Variants in BCL2L14 observed in about 807,000 individuals in gnomAD.
BCL2L14 encodes apoptosis facilitator Bcl-2-like protein 14.
In BCL2L14, 27 loss-of-function variants were observed where a neutral mutation model predicts 35.3. That is an observed-to-expected ratio of 0.76 (90% CI 0.56 to 1.05). The LOEUF (loss-of-function observed/expected upper bound fraction) is 1.05, where lower values mean the gene tolerates loss of function less well. Among genes scored for constraint, BCL2L14 ranks in the 50% least tolerant of loss-of-function variants. The pLI is 0.00. For missense variants in BCL2L14, 377 were observed against 382.6 expected, an observed-to-expected ratio of 0.99 and a Z score of 0.12; for synonymous variants, 139 against 145.9, an observed-to-expected ratio of 0.95 and a Z score of 0.34.
chr12:12,070,309 G>A (rs909215171), upstream of BCL2L14, among the ~76,000 whole-genome samples: 2 of 152,198 alleles, frequency 1.3e-5, no homozygotes, highest in African/African-American at 4.8e-5. Context: ...GGGATCCGTA[G>A]CAAGATACTT....
intron 4 of BCL2L14, among the ~76,000 whole-genome samples, chr12:12,092,905 TATC>T (rs1327341486): frequency 6.6e-6 from 1 of 152,238 alleles, no homozygotes; most frequent in Non-Finnish European, 1.5e-5. Flanking sequence ...CCGCTTGGCT[TATC>T]ATTCCTCTAG....
chr12:12,081,238 C>T (rs1948917728), intron 2 of BCL2L14, among the ~76,000 whole-genome samples: 1 of 151,792 alleles, frequency 6.6e-6, no homozygotes, highest in South Asian at 2.1e-4. Flanking sequence ...CACTTGACAC[C>T]AAGAGTTTGA....
At chr12:12,053,818 C>T (rs4321036) in intron 2 of BCL2L14, among the ~76,000 whole-genome samples, 123,146 of 152,136 alleles carry the variant, frequency 0.81, 49,953 homozygotes, top group East Asian at 0.98. Flanking sequence ...TGACAATCAC[C>T]TAAAAACCCC....
At chr12:12,088,175 A>G (rs1358321329) in intron 3 of BCL2L14, among the ~76,000 whole-genome samples, 1 of 152,218 alleles carries the variant, frequency 6.6e-6, no homozygotes, top group Non-Finnish European at 1.5e-5. Flanking sequence ...TAGGCAAAAC[A>G]AAGAGAAAGG....
At chr12:12,062,923 T>C (rs1948546772) in intron 2 of BCL2L14, among the ~76,000 whole-genome samples, 1 of 152,156 alleles carries the variant, frequency 6.6e-6, no homozygotes, top group Non-Finnish European at 1.5e-5. Flanking sequence ...AAAACACACC[T>C]CACCAAGCTC....
chr12:12,051,625 T>C (rs1948358993), intron 1 of BCL2L14, among the ~76,000 whole-genome samples: 1 of 152,186 alleles, frequency 6.6e-6, no homozygotes, highest in Non-Finnish European at 1.5e-5. Flanking sequence ...AATCTTTCCA[T>C]GAGAGTCAAT....
intron 2 of BCL2L14, among the ~76,000 whole-genome samples, chr12:12,054,318 C>T (rs984297635): frequency 2.0e-5 from 3 of 152,098 alleles, no homozygotes; most frequent in Non-Finnish European, 2.9e-5. Flanking sequence ...GCCAGGCCAA[C>T]ATGGAGAAAC....
intron 2 of BCL2L14, among the ~76,000 whole-genome samples, chr12:12,086,498 C>T (rs993386403): frequency 3.3e-5 from 5 of 152,188 alleles, no homozygotes; most frequent in African/African-American, 9.7e-5. Context: ...GCCATTTCAC[C>T]GTCCTATCTC....
intron 1 of BCL2L14, among the ~76,000 whole-genome samples, chr12:12,075,388 G>A (rs917596816): frequency 1.3e-5 from 2 of 150,820 alleles, no homozygotes; most frequent in African/African-American, 4.9e-5. Flanking sequence ...GTGAACGATT[G>A]TGCCCTGCCT....
chr12:12,090,455 C>A (rs575081910), intron 3 of BCL2L14, among the ~76,000 whole-genome samples: 1 of 144,310 alleles, frequency 6.9e-6, no homozygotes, highest in Admixed American at 6.9e-5. Flanking sequence ...CATGGTGAAA[C>A]CTGGGTTTCT....
intron 2 of BCL2L14, among the ~76,000 whole-genome samples, chr12:12,056,706 G>A (rs1321780445): frequency 4.6e-5 from 7 of 152,142 alleles, no homozygotes; most frequent in African/African-American, 9.7e-5. Context: ...GGTGGTAGGC[G>A]CCTGTAATCC....
At chr12:12,093,194 G>T (rs1409568766) in intron 4 of BCL2L14, among the ~76,000 whole-genome samples, 1 of 152,200 alleles carries the variant, frequency 6.6e-6, no homozygotes, top group Non-Finnish European at 1.5e-5. Flanking sequence ...TAATGGGAAA[G>T]AAATCAATGA....
chr12:12,087,013 TG>T (rs781307039), intron 2 of BCL2L14, among the ~76,000 whole-genome samples, 199 bp from the exon 3 acceptor site: 11 of 152,212 alleles, frequency 7.2e-5, no homozygotes, highest in Non-Finnish European at 1.5e-5. Context: ...CAATCATTCC[TG>T]CATGCACCCC....
intron 1 of BCL2L14, among the ~76,000 whole-genome samples, chr12:12,074,121 T>C (rs1195651563): frequency 6.6e-6 from 1 of 152,192 alleles, no homozygotes; most frequent in African/African-American, 2.4e-5. Context: ...TATATATTAG[T>C]CTCATGATAT....
At chr12:12,058,255 T>TA (rs1948463507) in intron 2 of BCL2L14, among the ~76,000 whole-genome samples, 1 of 148,738 alleles carries the variant, frequency 6.7e-6, no homozygotes, top group Non-Finnish European at 1.5e-5. Context: ...CCCAGACTCT[T>TA]TTTTTTTTCT....
intron 2 of BCL2L14, among the ~76,000 whole-genome samples, chr12:12,080,078 G>A (rs889904605): frequency 4.6e-5 from 7 of 152,082 alleles, no homozygotes; most frequent in African/African-American, 1.7e-4. Context: ...GTTGGCGGGT[G>A]CCTGTAGTCC....
chr12:12,090,876 T>C (rs759980628), intron 4 of BCL2L14, 27 bp downstream of exon 4: 7 of 1,570,290 alleles, frequency 4.5e-6, no homozygotes, highest in Non-Finnish European at 6.1e-6. Context: ...ACTGATGCGA[T>C]TGATTTCTGT....
At chr12:12,090,967 G>C (rs182726828) in intron 4 of BCL2L14, 118 bp downstream of exon 4, 1 of 608,886 alleles carries the variant, frequency 1.6e-6, no homozygotes, top group East Asian at 3.5e-5. Context: ...TTTCTACTTA[G>C]TCCTAAATTT....
chr12:12,056,659 C>A (rs1333964349), intron 2 of BCL2L14, among the ~76,000 whole-genome samples: 1 of 152,160 alleles, frequency 6.6e-6, no homozygotes, highest in Non-Finnish European at 1.5e-5. Flanking sequence ...CATGGTGAAA[C>A]CCCATCTCTA....
Sources: allele counts gnomAD v4.1 joint callset (sites outside exome capture counted in the v4.1 genomes callset), GRCh38; gene constraint gnomAD v4.1.1; transcripts MANE v1.5; gene names NCBI Gene and HGNC (gene_info 2026-07-23, HGNC 2026-07-21).